The following TLK1 variants were observed in gnomAD, a reference collection of about 807,000 sequenced individuals.
TLK1 encodes the protein tousled like kinase 1.
A neutral mutation model predicts 105.3 loss-of-function variants in TLK1; 24 were observed. The observed-to-expected ratio is 0.23, with a 90% CI of 0.17 to 0.32. The LOEUF (loss-of-function observed/expected upper bound fraction) is 0.32, where lower values mean the gene tolerates loss of function less well. Ranked by LOEUF, TLK1 falls within the 10% of genes least tolerant of loss-of-function variation. TLK1 has a pLI of 1.00. For synonymous variants in TLK1, 321 were observed against 310.4 expected, an observed-to-expected ratio of 1.03 and a Z score of -0.36; for missense variants, 558 against 910.5, an observed-to-expected ratio of 0.61 and a Z score of 4.98.
At chr2:171,056,094 T>C (rs16859137) in intron 6 of TLK1, among the ~76,000 whole-genome samples, 19,261 of 152,038 alleles carry the variant, frequency 0.13, 1,699 homozygotes, top group African/African-American at 0.24. Context: ...AGAAAGGAAT[T>C]ATGCTATCAT....
chr2:171,053,372 T>A (rs1316369680), intron 8 of TLK1, among the ~76,000 whole-genome samples: 2 of 152,048 alleles, frequency 1.3e-5, no homozygotes, highest in Admixed American at 6.6e-5. Flanking sequence ...ACAGAATTTT[T>A]TTTTTTTCTG....
intron 1 of TLK1, among the ~76,000 whole-genome samples, chr2:171,143,711 G>T (rs1691683287): frequency 6.6e-6 from 1 of 151,910 alleles, no homozygotes; most frequent in Admixed American, 6.6e-5. Context: ...GTTTTAAAAT[G>T]ATTAAAGAAA....
chr2:171,052,982 C>T (rs905396563), intron 8 of TLK1, among the ~76,000 whole-genome samples: 2 of 152,216 alleles, frequency 1.3e-5, no homozygotes, highest in African/African-American at 4.8e-5. Flanking sequence ...GAGTTTCAGG[C>T]ATTAGTACTT....
At chr2:171,077,048 T>C (rs1003697852) in intron 3 of TLK1, among the ~76,000 whole-genome samples, 2 of 152,204 alleles carry the variant, frequency 1.3e-5, no homozygotes, top group African/African-American at 2.4e-5. Context: ...CCTTCAGGTA[T>C]TCTAAAAAAT....
intron 2 of TLK1, among the ~76,000 whole-genome samples, chr2:171,111,964 G>GT (rs1690193691): frequency 7.0e-6 from 1 of 141,874 alleles, no homozygotes; most frequent in East Asian, 2.0e-4. Context: ...TTTGTTTTTG[G>GT]TTTTTTTGAG....
intron 3 of TLK1, among the ~76,000 whole-genome samples, chr2:171,076,288 C>T (rs1180049555): frequency 2.0e-5 from 3 of 151,854 alleles, no homozygotes; most frequent in Non-Finnish European, 4.4e-5. Flanking sequence ...GGGATGGGTT[C>T]GTTACTGACA....
chr2:171,134,631 A>G (rs562320617), intron 1 of TLK1, among the ~76,000 whole-genome samples: 82 of 152,030 alleles, frequency 5.4e-4, no homozygotes, highest in African/African-American at 1.7e-3. Context: ...ACTATTCACA[A>G]TAGCCAAGAT....
rs982939832 is a variant in TLK1 at position 171,187,097 on chromosome 2, A to G, written c.-6+44048T>C. Among the ~76,000 whole-genome samples, 10 of 149,974 alleles carry G rather than the reference A, an allele frequency of 6.7e-5. 1 individual carries two copies. The highest frequency in any genetic ancestry group is 2.5e-4 in the African/African-American group (10 of 40,502). Reference sequence around the variant, plus strand: ...AAAAAAAAAAAAGAAAAAGAAAAAGAAAAAGAAAAGAATAAAGTCTTTAAA... The same window carrying G: ...AAAAAAAAAAAAGAAAAAGAAAAAGGAAAAGAAAAGAATAAAGTCTTTAAA... On this transcript the variant is annotated intron_variant, in intron 1 of 20. Coordinates refer to the TLK1 transcript ENST00000521943.
At chr2:171,200,077 C>T (rs1693369560) in intron 1 of TLK1, among the ~76,000 whole-genome samples, 5 of 152,078 alleles carry the variant, frequency 3.3e-5, no homozygotes, top group Admixed American at 3.3e-4. Flanking sequence ...AGTTTTTTCC[C>T]CTGATTAAAT....
upstream of TLK1, among the ~76,000 whole-genome samples, chr2:171,162,354 A>G (rs1040749690): frequency 6.6e-6 from 1 of 152,238 alleles, no homozygotes; most frequent in African/African-American, 2.4e-5. Context: ...CCTGGCCAAC[A>G]TGGTGAAACC....
chr2:171,010,423 G>C (rs1311706487), intron 14 of TLK1, among the ~76,000 whole-genome samples: 1 of 152,072 alleles, frequency 6.6e-6, no homozygotes, highest in Non-Finnish European at 1.5e-5. Flanking sequence ...CCCACATGAG[G>C]TAAGTCATGT....
chr2:171,007,374 A>G (rs1004433803), intron 14 of TLK1, among the ~76,000 whole-genome samples: 1 of 152,162 alleles, frequency 6.6e-6, no homozygotes, highest in South Asian at 2.1e-4. Flanking sequence ...TTATTCCTCT[A>G]TACTAGTAGT....
chr2:171,133,959 T>C (rs1292686490), intron 1 of TLK1, among the ~76,000 whole-genome samples: 1 of 152,054 alleles, frequency 6.6e-6, no homozygotes, highest in Non-Finnish European at 1.5e-5. Flanking sequence ...TTCTCCCAAG[T>C]AGCTGAGGAC....
intron 3 of TLK1, among the ~76,000 whole-genome samples, chr2:171,071,825 T>C (rs1161335858): frequency 3.3e-5 from 5 of 152,216 alleles, no homozygotes; most frequent in African/African-American, 9.6e-5. Context: ...CTGCACCATT[T>C]ATTGAACAGA....
chr2:171,042,338 G>T (rs914685481), intron 11 of TLK1, among the ~76,000 whole-genome samples: 2 of 152,186 alleles, frequency 1.3e-5, no homozygotes, highest in African/African-American at 4.8e-5. Context: ...TCAAACTCCT[G>T]GGCTCAAGAG....
chr2:171,221,424 G>A (rs539391348), intron 1 of TLK1, among the ~76,000 whole-genome samples: 3 of 152,114 alleles, frequency 2.0e-5, no homozygotes, highest in South Asian at 2.1e-4. Flanking sequence ...GCACCTCACC[G>A]AAACTTCATG....
intron 1 of TLK1, among the ~76,000 whole-genome samples, chr2:171,122,782 T>C (rs1162294903): frequency 1.3e-5 from 2 of 152,062 alleles, no homozygotes; most frequent in Non-Finnish European, 2.9e-5. Flanking sequence ...CTCACATCTA[T>C]AATCCCAGCA....
chr2:171,206,591 G>GA (rs1303724588), intron 1 of TLK1, among the ~76,000 whole-genome samples: 1 of 152,164 alleles, frequency 6.6e-6, no homozygotes, highest in Admixed American at 6.5e-5. Context: ...ATTTAATGGG[G>GA]ACATGATACT....
chr2:171,086,868 C>A (rs1689003114), intron 2 of TLK1, among the ~76,000 whole-genome samples: 1 of 152,112 alleles, frequency 6.6e-6, no homozygotes, highest in Non-Finnish European at 1.5e-5. Context: ...TAAAGATCCA[C>A]AAAGGGAGAG....
Sources: gnomAD v4.1 joint callset for allele counts (sites outside exome capture counted in the v4.1 genomes callset) on GRCh38, gnomAD v4.1.1 for gene constraint, MANE v1.5 for transcripts, NCBI Gene and HGNC (gene_info 2026-07-23, HGNC 2026-07-21) for gene names.